STK32B: variants seen among roughly 807,000 people sequenced by gnomAD.
STK32B encodes serine/threonine kinase 32B, also known as serine/threonine-protein kinase 32B.
STK32B carries 43 observed loss-of-function variants against 52.6 expected under a neutral mutation model. That is an observed-to-expected ratio of 0.82 (90% CI 0.64 to 1.05). STK32B has a LOEUF of 1.05. STK32B is among the 50% of genes least tolerant of loss of function. The pLI is 0.00. For missense variants in STK32B, 621 were observed against 534.6 expected (o/e 1.16, Z -1.59); for synonymous variants, 238 against 204.3 (o/e 1.17, Z -1.41).
At position 5,349,849 on chromosome 4, in the gene STK32B, C is replaced by T. The variant is rs141494589; in HGVS notation, c.434+18456C>T. 7.8e-3 allele frequency among the ~76,000 whole-genome samples: 1,188 copies of T among 152,114 alleles called. 8 individuals carry two copies. Among genetic ancestry groups the T allele is most frequent in the Non-Finnish European group, 0.013 (878 of 67,980 alleles). On this transcript the variant is annotated intron_variant, in intron 4 of 11. Coordinates refer to ENST00000282908, the MANE Select transcript of STK32B (RefSeq NM_018401.3). Reference sequence around the variant, plus strand: ...AATTCATTTAATAAAATACAAAATACATTCAGAGGCTTCAGTAATAGACTA... The same window carrying T: ...AATTCATTTAATAAAATACAAAATATATTCAGAGGCTTCAGTAATAGACTA...
chr4:5,115,385 GAAAAACTGCTTTCC>G (rs1246240703), intron 1 of STK32B, among the ~76,000 whole-genome samples: 1 of 152,330 alleles, frequency 6.6e-6, no homozygotes, highest in Non-Finnish European at 1.5e-5. Context: ...ATGTGAGCTT[GAAAAACTGCTTTCC>G]TCCAGCATTA....
intron 1 of STK32B, among the ~76,000 whole-genome samples, chr4:5,083,713 T>A (rs2108777315): frequency 6.6e-6 from 1 of 152,042 alleles, no homozygotes; most frequent in Admixed American, 6.6e-5. Flanking sequence ...TTTGCTTCCT[T>A]AGATATAGAC....
intron 1 of STK32B, among the ~76,000 whole-genome samples, chr4:5,115,011 G>C (rs1364509826): frequency 6.6e-6 from 1 of 152,158 alleles, no homozygotes. Flanking sequence ...TGCTCGACAT[G>C]GGGGAGGGCC....
At chr4:5,468,533 C>T (rs3774813) in intron 11 of STK32B, among the ~76,000 whole-genome samples, 25,195 of 152,110 alleles carry the variant, frequency 0.17, 2,326 homozygotes, top group East Asian at 0.32. Context: ...GCTGTGGTCC[C>T]GCAGCACCTG....
At chr4:5,220,548 G>T (rs553679080) in intron 3 of STK32B, among the ~76,000 whole-genome samples, 63 of 152,324 alleles carry the variant, frequency 4.1e-4, no homozygotes, top group African/African-American at 1.5e-3. Context: ...CAAACAGCTT[G>T]CAGTAACAAA....
At chr4:5,282,712 A>G (rs191202776) in intron 3 of STK32B, among the ~76,000 whole-genome samples, 35 of 152,312 alleles carry the variant, frequency 2.3e-4, no homozygotes, top group African/African-American at 8.4e-4. Context: ...TTATCAAGCC[A>G]TGATGATGTC....
In STK32B at chr4:5,242,832, A is replaced by G. The variant is rs200394738; in HGVS notation, c.260+74382A>G. ...TTTCCCAGCACCATTTATTAAATAG[A>G]GAATCCTTTCCCCATTGCTTGTTTT... On this transcript the variant is annotated intron_variant, in intron 3 of 11. Coordinates refer to ENST00000282908, the MANE Select transcript of STK32B (RefSeq NM_018401.3). Among the ~76,000 whole-genome samples the G allele has an allele frequency of 8.9e-4, 136 of 152,214 alleles. 1 individual carries two copies. The highest frequency in any genetic ancestry group is 7.7e-3 in the South Asian group (37 of 4,828).
chr4:5,237,563 T>TTC, intron 3 of STK32B, among the ~76,000 whole-genome samples: 1 of 152,130 alleles, frequency 6.6e-6, no homozygotes, highest in Non-Finnish European at 1.5e-5. Context: ...TGATCAGAAA[T>TTC]ATGAAGACAA....
intron 11 of STK32B, among the ~76,000 whole-genome samples, chr4:5,478,895 GCTCT>G (rs540744436): frequency 7.8e-4 from 118 of 152,218 alleles, no homozygotes; most frequent in Middle Eastern, 3.4e-3. Flanking sequence ...GGCATCCCTT[GCTCT>G]CTATGATTTC....
At chr4:5,438,500 T>A (rs560996977) in intron 6 of STK32B, among the ~76,000 whole-genome samples, 1 of 152,164 alleles carries the variant, frequency 6.6e-6, no homozygotes, top group Non-Finnish European at 1.5e-5. Context: ...GAGGATGGCA[T>A]TTAGGAGGGT....
upstream of STK32B, among the ~76,000 whole-genome samples, chr4:5,047,313 G>C (rs923832531): frequency 1.2e-4 from 17 of 144,354 alleles, no homozygotes; most frequent in Admixed American, 4.8e-4. Context: ...ACAGGAAGAA[G>C]AACAACATAC....
At chr4:5,144,827 T>A (rs181538151) in intron 2 of STK32B, among the ~76,000 whole-genome samples, 14 of 143,554 alleles carry the variant, frequency 9.8e-5, no homozygotes, top group African/African-American at 4.0e-4. Context: ...CATCCATCCA[T>A]CCATCCAACA....
chr4:5,235,957 G>A (rs887920637), intron 3 of STK32B, among the ~76,000 whole-genome samples: 2 of 152,156 alleles, frequency 1.3e-5, no homozygotes, highest in African/African-American at 4.8e-5. Flanking sequence ...CTTTCCACAT[G>A]GGGGACCAGC....
intron 3 of STK32B, among the ~76,000 whole-genome samples, chr4:5,314,793 C>T (rs77753225): frequency 0.12 from 17,668 of 151,802 alleles, 2,580 homozygotes; most frequent in African/African-American, 0.35. Context: ...AGTAGCAAAA[C>T]GGGCTGGGAA....
chr4:5,127,583 G>A (rs766842089), intron 1 of STK32B, among the ~76,000 whole-genome samples: 15 of 151,736 alleles, frequency 9.9e-5, no homozygotes, highest in Non-Finnish European at 1.9e-4. Context: ...CTTTGTATAT[G>A]TAAGTAGTTA....
chr4:5,398,885 C>G lies in STK32B; in HGVS notation c.472+641C>G, dbSNP rs532438799. On this transcript the variant is annotated intron_variant, in intron 5 of 11. Coordinates refer to ENST00000282908, the MANE Select transcript of STK32B (RefSeq NM_018401.3). The surrounding 1 kb of genome is among the most constrained non-coding windows in gnomAD (Gnocchi z 4.9). Reference sequence around the variant, plus strand: ...GATGCTGCTGGTCCATGGACCACACCTTGAGTAGCAAGGCACCAAGTCAGT... The same window carrying G: ...GATGCTGCTGGTCCATGGACCACACGTTGAGTAGCAAGGCACCAAGTCAGT... Among the ~76,000 whole-genome samples, 7 of 152,290 alleles carry G rather than the reference C, an allele frequency of 4.6e-5. No individual in the cohort carries two copies. The highest frequency in any genetic ancestry group is 2.1e-4 in the South Asian group (1 of 4,832).
chr4:5,209,092 C>CA (rs1230224104), intron 3 of STK32B, among the ~76,000 whole-genome samples: 1 of 152,232 alleles, frequency 6.6e-6, no homozygotes, highest in Non-Finnish European at 1.5e-5. Flanking sequence ...GCCTCCCCCT[C>CA]AGCACTTCTG....
chr4:5,494,230 C>T (rs919395628), intron 11 of STK32B, among the ~76,000 whole-genome samples: 18 of 152,182 alleles, frequency 1.2e-4, no homozygotes, highest in African/African-American at 3.9e-4. Flanking sequence ...CTTTGTGGGT[C>T]ACTCAGGACT....
intron 1 of STK32B, among the ~76,000 whole-genome samples, chr4:5,129,768 C>T (rs758166672): frequency 1.7e-4 from 26 of 152,172 alleles, no homozygotes; most frequent in Admixed American, 2.6e-4. Context: ...GAGATACTTC[C>T]TGAAGATATC....
Sources: gnomAD v4.1 joint callset for allele counts (sites outside exome capture counted in the v4.1 genomes callset) on GRCh38, gnomAD v4.1.1 for gene constraint, Gnocchi (gnomAD v3.1) non-coding constraint, MANE v1.5 for transcripts, NCBI Gene and HGNC (gene_info 2026-07-23, HGNC 2026-07-21) for gene names.